The following MAL2 variants were observed in gnomAD, a reference collection of about 807,000 sequenced individuals.
MAL2 encodes mal, T cell differentiation protein 2.
A neutral mutation model predicts 18.1 loss-of-function variants in MAL2; 17 were observed. The observed-to-expected ratio is 0.94, with a 90% CI of 0.64 to 1.41. The LOEUF (loss-of-function observed/expected upper bound fraction) is 1.41, where lower values mean the gene tolerates loss of function less well. MAL2 is among the 40% of genes most tolerant of loss of function. MAL2 has a pLI of 0.00. For missense variants in MAL2, 222 were observed against 231.9 expected, an observed-to-expected ratio of 0.96 and a Z score of 0.28; for synonymous variants, 102 against 102.3, an observed-to-expected ratio of 1.00 and a Z score of 0.02.
intron 2 of MAL2, among the ~76,000 whole-genome samples, chr8:119,229,416 G>A (rs192885936): frequency 2.5e-4 from 37 of 150,978 alleles, no homozygotes; most frequent in Admixed American, 1.3e-3. Context: ...GGATTCAAGC[G>A]ATTCTTCTGC....
chr8:119,230,447 C>T (rs374123720), intron 2 of MAL2, among the ~76,000 whole-genome samples: 7 of 136,774 alleles, frequency 5.1e-5, no homozygotes, highest in South Asian at 2.6e-4. Flanking sequence ...ATTGGGGGGG[C>T]GGGAAGGGGC....
At chr8:119,239,280 T>G (rs1817992063) in intron 2 of MAL2, among the ~76,000 whole-genome samples, 1 of 152,072 alleles carries the variant, frequency 6.6e-6, no homozygotes, top group South Asian at 2.1e-4. Flanking sequence ...AAACAACAGG[T>G]GCTGGAGAGG....
At chr8:119,210,774 G>C (rs1436381116) in intron 1 of MAL2, among the ~76,000 whole-genome samples, 2 of 152,132 alleles carry the variant, frequency 1.3e-5, no homozygotes, top group African/African-American at 2.4e-5. Context: ...TGGCTACGTA[G>C]AACAGCATCA....
At chr8:119,237,805 A>G (rs1251252103) in intron 2 of MAL2, among the ~76,000 whole-genome samples, 1 of 151,944 alleles carries the variant, frequency 6.6e-6, no homozygotes, top group African/African-American at 2.4e-5. Context: ...AGTAAGAGCT[A>G]TCTATGACAA....
At chr8:119,221,447 G>A (rs529688203) in intron 1 of MAL2, 140 bp from the exon 2 acceptor site, 8 of 982,400 alleles carry the variant, frequency 8.1e-6, no homozygotes, top group Admixed American at 4.6e-5. Flanking sequence ...GGGGAAAATC[G>A]AAGGGATGGG....
chr8:119,210,459 TC>T, intron 1 of MAL2, among the ~76,000 whole-genome samples: 1 of 152,124 alleles, frequency 6.6e-6, no homozygotes, highest in African/African-American at 2.4e-5. Context: ...AGTTCTCAAT[TC>T]TTGCTGTACT....
chr8:119,211,766 CT>C (rs912003690), intron 1 of MAL2, among the ~76,000 whole-genome samples: 5 of 145,908 alleles, frequency 3.4e-5, no homozygotes, highest in Non-Finnish European at 7.5e-5. Flanking sequence ...ATTGTCAGCT[CT>C]TTGGTTTTGG....
At chr8:119,229,310 C>T (rs956341791) in intron 2 of MAL2, among the ~76,000 whole-genome samples, 3 of 93,638 alleles carry the variant, frequency 3.2e-5, no homozygotes, top group Non-Finnish European at 6.0e-5. Flanking sequence ...TCACTGTGGG[C>T]CTCTTTTTTT....
At chr8:119,225,298 G>T (rs1817564679) in intron 2 of MAL2, among the ~76,000 whole-genome samples, 1 of 151,842 alleles carries the variant, frequency 6.6e-6, no homozygotes, top group Admixed American at 6.6e-5. Flanking sequence ...AGGCCCCGGT[G>T]TGTGATGTTC....
intron 2 of MAL2, among the ~76,000 whole-genome samples, chr8:119,228,201 C>G (rs185780032): frequency 6.6e-6 from 1 of 152,138 alleles, no homozygotes; most frequent in Non-Finnish European, 1.5e-5. Flanking sequence ...GGTAACTCCT[C>G]TTCCTGCCTT....
At chr8:119,222,453 C>T (rs1051206280) in intron 2 of MAL2, among the ~76,000 whole-genome samples, 1 of 151,548 alleles carries the variant, frequency 6.6e-6, no homozygotes, top group East Asian at 1.9e-4. Flanking sequence ...TTACTTGAAC[C>T]CGGGAGGCAG....
At chr8:119,221,881 A>C in intron 2 of MAL2, 124 bp downstream of exon 2, 1 of 1,027,146 alleles carries the variant, frequency 9.7e-7, no homozygotes. Flanking sequence ...CCAACCACAG[A>C]GACTGCTGTG....
chr8:119,228,043 C>A (rs541660347), intron 2 of MAL2, among the ~76,000 whole-genome samples: 1 of 152,116 alleles, frequency 6.6e-6, no homozygotes, highest in Non-Finnish European at 1.5e-5. Flanking sequence ...CCAAGAAGAC[C>A]TCAAGTAGAT....
At position 119,243,405 on chromosome 8, in the gene MAL2, C is replaced by T. The variant is rs764925928; in HGVS notation, c.460-12C>T. ...GTAAATCTGATGTGAATTTTTGTTT[C>T]TTTTTTCTTAGATTTTTGCCTTTAT... On this transcript the variant is annotated splice_polypyrimidine_tract_variant and intron_variant, in intron 3 of 3. Coordinates refer to ENST00000614891, the MANE Select transcript of MAL2 (RefSeq NM_052886.3). 2.5e-6 allele frequency: 4 copies of T among 1,569,722 alleles called. No homozygotes were observed. Among genetic ancestry groups the T allele is most frequent in the African/African-American group, 1.4e-5 (1 of 74,050 alleles).
At chr8:119,226,886 ACT>A (rs1817608281) in intron 2 of MAL2, among the ~76,000 whole-genome samples, 1 of 152,226 alleles carries the variant, frequency 6.6e-6, no homozygotes, top group African/African-American at 2.4e-5. Flanking sequence ...TTTGAGAACC[ACT>A]GACTTAGCAG....
At position 119,229,418 on chromosome 8, in the gene MAL2, T is replaced by A. The variant is rs1817666843; in HGVS notation, c.303+7661T>A. Among the ~76,000 whole-genome samples the A allele has an allele frequency of 2.0e-5, 3 of 151,796 alleles. No homozygotes were observed. The South Asian group carries it at 6.3e-4, about 32-fold the overall frequency. On this transcript the variant is annotated intron_variant, in intron 2 of 3. Transcript: ENST00000614891. ...ACCTCTGCCTCCTGGATTCAAGCGA[T>A]TCTTCTGCCTTAGCCTTCCGAGTAA...
intron 1 of MAL2, among the ~76,000 whole-genome samples, chr8:119,212,516 C>G (rs1817282482): frequency 6.6e-6 from 1 of 152,132 alleles, no homozygotes; most frequent in African/African-American, 2.4e-5. Flanking sequence ...GGCTCCTGCC[C>G]TTAAAAGAAA....
chr8:119,239,348 AT>A (rs931067458), intron 2 of MAL2, among the ~76,000 whole-genome samples: 27 of 152,026 alleles, frequency 1.8e-4, no homozygotes, highest in African/African-American at 5.6e-4. Flanking sequence ...TAGTTCAACC[AT>A]TGTGGAAGTC....
chr8:119,240,099 T>C, intron 2 of MAL2, 66 bp from the exon 3 acceptor site: 1 of 1,505,064 alleles, frequency 6.6e-7, no homozygotes, highest in Non-Finnish European at 9.1e-7. Flanking sequence ...TAAACTTCAT[T>C]ATTTAAAATA....
Sources: gnomAD v4.1 joint callset for allele counts (sites outside exome capture counted in the v4.1 genomes callset) on GRCh38, gnomAD v4.1.1 for gene constraint, MANE v1.5 for transcripts, NCBI Gene and HGNC (gene_info 2026-07-23, HGNC 2026-07-21) for gene names.